GLCCI1: variants seen among roughly 807,000 people sequenced by gnomAD.
The protein encoded by GLCCI1 is glucocorticoid induced 1.
GLCCI1 carries 24 observed loss-of-function variants against 52.2 expected under a neutral mutation model. That is an observed-to-expected ratio of 0.46 (90% CI 0.33 to 0.65). The LOEUF (loss-of-function observed/expected upper bound fraction) is 0.65, where lower values mean the gene tolerates loss of function less well. Among genes scored for constraint, GLCCI1 ranks in the 30% least tolerant of loss-of-function variants. The pLI is 0.02. For missense variants in GLCCI1, 704 were observed against 701.5 expected (o/e 1.00, Z -0.04); for synonymous variants, 310 against 276.5 (o/e 1.12, Z -1.20).
chr7:8,023,969 A>G (rs1583980426), intron 3 of GLCCI1, among the ~76,000 whole-genome samples: 1 of 152,124 alleles, frequency 6.6e-6, no homozygotes, highest in Admixed American at 6.5e-5. Flanking sequence ...AATTGTTTCA[A>G]GTTTTTAAAT....
At chr7:8,027,915 G>A (rs1230708441) in intron 3 of GLCCI1, among the ~76,000 whole-genome samples, 1 of 152,140 alleles carries the variant, frequency 6.6e-6, no homozygotes, top group African/African-American at 2.4e-5. Flanking sequence ...ACAAGAGGAT[G>A]TAATGATTGT....
chr7:8,064,629 C>CTGTGAGGAACA (rs1442553036), intron 5 of GLCCI1, among the ~76,000 whole-genome samples: 7 of 152,128 alleles, frequency 4.6e-5, no homozygotes, highest in Non-Finnish European at 1.0e-4. Flanking sequence ...TTTTCTGATT[C>CTGTGAGGAACA]TGTGAGGAAC....
intron 3 of GLCCI1, among the ~76,000 whole-genome samples, chr7:8,044,180 C>T (rs906351251): frequency 1.3e-5 from 2 of 151,882 alleles, no homozygotes; most frequent in Non-Finnish European, 2.9e-5. Flanking sequence ...TTCCTGACCT[C>T]GCGATCCACC....
At chr7:7,974,988 A>C (rs1780434457) in intron 1 of GLCCI1, among the ~76,000 whole-genome samples, 1 of 152,158 alleles carries the variant, frequency 6.6e-6, no homozygotes, top group Non-Finnish European at 1.5e-5. Context: ...AAAATATCTA[A>C]CTTCTGGTTT....
At chr7:8,081,978 A>G (rs1300902037) in intron 6 of GLCCI1, among the ~76,000 whole-genome samples, 1 of 152,188 alleles carries the variant, frequency 6.6e-6, no homozygotes, top group Non-Finnish European at 1.5e-5. Context: ...ATTTAACCTA[A>G]TCTCAACTGT....
chr7:7,972,578 T>C (rs1172318539), intron 1 of GLCCI1, among the ~76,000 whole-genome samples: 2 of 152,180 alleles, frequency 1.3e-5, no homozygotes, highest in Admixed American at 1.3e-4. Context: ...ATGATTCTTT[T>C]ACCAAAAAAT....
At chr7:7,970,656 G>A (rs1010509566) in intron 1 of GLCCI1, among the ~76,000 whole-genome samples, 1 of 152,062 alleles carries the variant, frequency 6.6e-6, no homozygotes, top group African/African-American at 2.4e-5. Flanking sequence ...GATGCTGTGG[G>A]TTTCCCTTAG....
chr7:7,977,333 A>G (rs1780512632), intron 1 of GLCCI1, among the ~76,000 whole-genome samples: 2 of 152,228 alleles, frequency 1.3e-5, no homozygotes, highest in Non-Finnish European at 2.9e-5. Context: ...CTTGTGCTAT[A>G]ACTGATTCTA....
intron 2 of GLCCI1, among the ~76,000 whole-genome samples, chr7:8,017,054 T>A (rs963644407): frequency 3.9e-5 from 6 of 152,182 alleles, no homozygotes; most frequent in Non-Finnish European, 5.9e-5. Context: ...TTATTGTGTG[T>A]TTGCTGTCTT....
At position 8,071,111 on chromosome 7, in the gene GLCCI1, T is replaced by C. The variant is rs778475456; in HGVS notation, c.1157T>C (p.Leu386Ser). ...GGTAGCCCTTGCTCAACAGAAGATT[T>C]GCTCTATGATCGTGATAAAGGTAAG... is the stretch of plus-strand genomic sequence containing the variant. ...QDGSPCSTED[L>S]LYDRDKDSGS... is the part of the protein sequence containing the mutation. Residue 386 changes from leucine to serine, a missense_variant, in exon 6 of 8, where the codon TTG (leucine) becomes TCG (serine). Physicochemically the swap from Leu to Ser is moderately radical, Grantham distance 145. Coordinates refer to ENST00000223145, the MANE Select transcript of GLCCI1 (RefSeq NM_138426.4). 6.2e-7 allele frequency: 1 copy of C among 1,614,118 alleles called. No homozygotes were observed. Among genetic ancestry groups the C allele is most frequent in the Admixed American group, 1.7e-5 (1 of 60,026 alleles).
chr7:8,047,015 A>G (rs1782145812), intron 3 of GLCCI1, among the ~76,000 whole-genome samples: 4 of 152,182 alleles, frequency 2.6e-5, no homozygotes, highest in Admixed American at 2.0e-4. Flanking sequence ...GGGGAAAAAA[A>G]AAACCACCTC....
chr7:8,045,506 G>A (rs1782101198), intron 3 of GLCCI1, among the ~76,000 whole-genome samples: 1 of 152,162 alleles, frequency 6.6e-6, no homozygotes, highest in African/African-American at 2.4e-5. Context: ...AGAACCAAAA[G>A]TATTCTGCAA....
intron 2 of GLCCI1, among the ~76,000 whole-genome samples, chr7:8,018,457 C>T (rs958052972): frequency 6.6e-6 from 1 of 152,106 alleles, no homozygotes; most frequent in African/African-American, 2.4e-5. Context: ...TTTGGTTGAT[C>T]TAGCCAAAAA....
intron 2 of GLCCI1, among the ~76,000 whole-genome samples, chr7:8,006,418 T>C (rs1021003259): frequency 2.0e-5 from 3 of 152,204 alleles, no homozygotes; most frequent in African/African-American, 7.2e-5. Flanking sequence ...ATATGTTTCT[T>C]ACACATGTCT....
chr7:8,079,747 A>G (rs184168102), intron 6 of GLCCI1, among the ~76,000 whole-genome samples: 1 of 151,654 alleles, frequency 6.6e-6, no homozygotes, highest in East Asian at 1.9e-4. Flanking sequence ...TACAAAATAT[A>G]AAATACCTCC....
At chr7:8,065,695 C>T (rs1782617018) in intron 5 of GLCCI1, among the ~76,000 whole-genome samples, 1 of 152,078 alleles carries the variant, frequency 6.6e-6, no homozygotes, top group Admixed American at 6.6e-5. Context: ...TTTGATGAAT[C>T]ACATTTATTG....
chr7:7,969,337 C>T lies in GLCCI1; in HGVS notation c.-14C>T. 1.4e-6 allele frequency: 2 copies of T among 1,467,864 alleles called. No homozygotes were observed. Among genetic ancestry groups the T allele is most frequent in the Non-Finnish European group, 1.8e-6 (2 of 1,109,694 alleles). 90.9% of individuals were successfully genotyped at this position (1,467,864 alleles called of 1,614,324 possible). A position where few individuals can be genotyped will look rare whatever the true frequency, so the allele number is the denominator to read the frequency against. On this transcript the variant is annotated 5_prime_UTR_variant, in exon 1 of 8. Transcript: ENST00000223145. The surrounding 1 kb of genome is among the most constrained non-coding windows in gnomAD (Gnocchi z 4.9). ...CCGTGTCGGCCGGCGGCGTCCAGGG[C>T]CCGCAGAGCCACCATGTCCACTGCC...
At chr7:8,030,681 C>A (rs1396466765) in intron 3 of GLCCI1, among the ~76,000 whole-genome samples, 1 of 151,936 alleles carries the variant, frequency 6.6e-6, no homozygotes, top group Non-Finnish European at 1.5e-5. Context: ...TCAAAGAACT[C>A]CATATTAATA....
At chr7:8,025,297 G>A (rs923989024) in intron 3 of GLCCI1, among the ~76,000 whole-genome samples, 7 of 152,086 alleles carry the variant, frequency 4.6e-5, no homozygotes, top group East Asian at 3.9e-4. Context: ...CCAAGATCGC[G>A]CCACTGCACT....
Sources: allele counts gnomAD v4.1 joint callset (sites outside exome capture counted in the v4.1 genomes callset), GRCh38; gene constraint gnomAD v4.1.1; non-coding constraint Gnocchi (gnomAD v3.1); transcripts MANE v1.5; gene names NCBI Gene and HGNC (gene_info 2026-07-23, HGNC 2026-07-21).